Variants in PPM1L observed in about 807,000 individuals in gnomAD.
PPM1L encodes protein phosphatase 1L.
PPM1L carries 13 observed loss-of-function variants against 31.4 expected under a neutral mutation model. The observed-to-expected ratio is 0.41, with a 90% confidence interval of 0.27 to 0.66. The LOEUF (loss-of-function observed/expected upper bound fraction) is 0.66, where lower values mean the gene tolerates loss of function less well. Ranked by LOEUF, PPM1L falls within the 30% of genes least tolerant of loss-of-function variation. The pLI is 0.29. For missense variants in PPM1L, 326 were observed against 453.7 expected (o/e 0.72, Z 2.56); for synonymous variants, 184 against 175.4 (o/e 1.05, Z -0.39).
intron 1 of PPM1L, among the ~76,000 whole-genome samples, chr3:160,840,182 C>A (rs147665989): frequency 1.1e-3 from 165 of 152,254 alleles, no homozygotes; most frequent in African/African-American, 3.4e-3. Context: ...GTTTCCTTGG[C>A]AGCACTTTTG....
In PPM1L at chr3:160,896,155, C is replaced by T. The variant is rs1273873286; in HGVS notation, c.400-65581C>T. Among the ~76,000 whole-genome samples the T allele has an allele frequency of 9.2e-5, 14 of 152,072 alleles. No homozygotes were observed. In the East Asian group the frequency reaches 9.6e-4, roughly 10 times the overall value. On this transcript the variant is annotated intron_variant, in intron 1 of 3. Transcript: ENST00000498165. ...GATTTAGGGAAAATGCATTTTTTAG[C>T]GTTATCAATTTCTTCCTTATAATTT...
intron 1 of PPM1L, among the ~76,000 whole-genome samples, chr3:160,961,024 G>C (rs1416344250): frequency 1.3e-5 from 2 of 152,188 alleles, no homozygotes; most frequent in East Asian, 3.9e-4. Context: ...TTGGGAGTGT[G>C]TTGTACAGAT....
At chr3:160,807,388 C>T (rs73877967) in intron 1 of PPM1L, among the ~76,000 whole-genome samples, 8,064 of 152,202 alleles carry the variant, frequency 0.053, 705 homozygotes, top group African/African-American at 0.18. Context: ...TATTGTATAG[C>T]CATGCACCAT....
At chr3:160,926,707 A>T (rs985825624) in intron 1 of PPM1L, among the ~76,000 whole-genome samples, 1 of 152,214 alleles carries the variant, frequency 6.6e-6, no homozygotes, top group Non-Finnish European at 1.5e-5. Flanking sequence ...GGGCTCTGCT[A>T]TGAATATGCT....
rs1445788547 is a variant in PPM1L at position 160,944,294 on chromosome 3, G to A, written c.400-17442G>A. 2.6e-5 allele frequency among the ~76,000 whole-genome samples: 4 copies of A among 151,912 alleles called. No homozygotes were observed. In the East Asian group the frequency reaches 7.7e-4, roughly 29 times the overall value. On this transcript the variant is annotated intron_variant, in intron 1 of 3. Coordinates refer to ENST00000498165, the MANE Select transcript of PPM1L (RefSeq NM_139245.4). Reference sequence around the variant, plus strand: ...TTGTTAATTTTCTCATTATTATGTGGTTCCTGACAAATGACAGTTTTGAGA... The same window carrying A: ...TTGTTAATTTTCTCATTATTATGTGATTCCTGACAAATGACAGTTTTGAGA...
chr3:160,758,301 T>G (rs1438986264), intron 1 of PPM1L, among the ~76,000 whole-genome samples: 1 of 152,212 alleles, frequency 6.6e-6, no homozygotes, highest in East Asian at 1.9e-4. Flanking sequence ...CTGATTTGTC[T>G]TCTTGGCTTG....
At chr3:160,941,936 G>A (rs1357756380) in intron 1 of PPM1L, among the ~76,000 whole-genome samples, 1 of 152,166 alleles carries the variant, frequency 6.6e-6, no homozygotes, top group Non-Finnish European at 1.5e-5. Flanking sequence ...GGCTTACTTT[G>A]TAACTCAGTT....
At chr3:160,884,860 G>A (rs1260056432) in intron 1 of PPM1L, among the ~76,000 whole-genome samples, 1 of 152,216 alleles carries the variant, frequency 6.6e-6, no homozygotes, top group Non-Finnish European at 1.5e-5. Flanking sequence ...ATGCTAATGA[G>A]TAGTGTTAGT....
chr3:161,039,096 G>C (rs1280123019), intron 2 of PPM1L, among the ~76,000 whole-genome samples: 1 of 152,176 alleles, frequency 6.6e-6, no homozygotes, highest in African/African-American at 2.4e-5. Context: ...CCCTTATTTA[G>C]CATAACATCA....
intron 1 of PPM1L, among the ~76,000 whole-genome samples, chr3:160,820,306 TGTA>T (rs1389942150): frequency 1.3e-5 from 2 of 152,148 alleles, no homozygotes; most frequent in African/African-American, 4.8e-5. Context: ...GCTTTCAACA[TGTA>T]GTGCTACAAA....
At chr3:160,958,466 C>T (rs1715852482) in intron 1 of PPM1L, among the ~76,000 whole-genome samples, 1 of 152,096 alleles carries the variant, frequency 6.6e-6, no homozygotes, top group Admixed American at 6.5e-5. Context: ...TCCTGTACCT[C>T]ATAGGCATTT....
intron 1 of PPM1L, among the ~76,000 whole-genome samples, chr3:160,814,503 GTA>G (rs1354990256): frequency 8.5e-6 from 1 of 116,996 alleles, no homozygotes; most frequent in African/African-American, 4.0e-5. Context: ...ACACATATAT[GTA>G]TGTGTATATA....
rs953957297 is a variant in PPM1L, at chr3:161,047,056, G to T, written c.575-18347G>T. ...AGACAGGGACACCCTCTGTCACCAC[G>T]CCTATTCAACATAGTGTTGGAAGTT... On this transcript the variant is annotated intron_variant, in intron 2 of 3. Transcript: ENST00000498165. Among the ~76,000 whole-genome samples the T allele has an allele frequency of 3.9e-5, 6 of 152,194 alleles. No homozygotes were observed. In the East Asian group the frequency reaches 5.8e-4, roughly 15 times the overall value.
Position 160,920,590 on chromosome 3 carries a change from C to A in PPM1L, c.400-41146C>A. Among the ~76,000 whole-genome samples, 3 of 20,918 alleles carry A rather than the reference C, an allele frequency of 1.4e-4. No individual in the cohort carries two copies. In the South Asian group the frequency reaches 2.8e-3, roughly 20 times the overall value. The allele number at this position is 20,918 out of a possible 152,430, so 13.7% of individuals were successfully genotyped here. ...AACTGCACTTATGCATTTAGTTTCT[C>A]TCTCTCTCTCTCTCTCTCTCTCTCT... On this transcript the variant is annotated intron_variant, in intron 1 of 3. Transcript: ENST00000498165.
At chr3:160,787,510 T>G (rs1371141911) in intron 1 of PPM1L, among the ~76,000 whole-genome samples, 1 of 152,106 alleles carries the variant, frequency 6.6e-6, no homozygotes. Context: ...TTATTGGATG[T>G]GTAGTTTGCA....
intron 1 of PPM1L, among the ~76,000 whole-genome samples, chr3:160,757,356 C>A (rs1714839435): frequency 6.6e-6 from 1 of 152,278 alleles, no homozygotes; most frequent in African/African-American, 2.4e-5. Context: ...CTAGATGTCC[C>A]TGGCCTTTGC....
intron 1 of PPM1L, among the ~76,000 whole-genome samples, chr3:160,900,753 C>T (rs575550982): frequency 6.6e-6 from 1 of 152,192 alleles, no homozygotes; most frequent in East Asian, 1.9e-4. Context: ...CTGCTATACA[C>T]TCCTTTCTTG....
intron 2 of PPM1L, among the ~76,000 whole-genome samples, chr3:160,990,978 T>C (rs1717113804): frequency 6.6e-6 from 1 of 151,872 alleles, no homozygotes; most frequent in South Asian, 2.1e-4. Flanking sequence ...CACTGCTTTG[T>C]AGGGGTGCCA....
chr3:160,916,250 G>T (rs910421645), intron 1 of PPM1L, among the ~76,000 whole-genome samples: 2 of 152,022 alleles, frequency 1.3e-5, no homozygotes, highest in African/African-American at 4.8e-5. Context: ...GTGGGCGAAG[G>T]ATATGAACAG....
Sources: gnomAD v4.1 joint callset for allele counts (sites outside exome capture counted in the v4.1 genomes callset) on GRCh38, gnomAD v4.1.1 for gene constraint, MANE v1.5 for transcripts, NCBI Gene and HGNC (gene_info 2026-07-23, HGNC 2026-07-21) for gene names.